Variants in NRXN3 observed in about 807,000 individuals in gnomAD.
NRXN3 encodes the protein neurexin 3, also known as neurexin III.
Under a neutral mutation model 137.6 loss-of-function variants are expected in NRXN3, and 32 were observed. That is an observed-to-expected ratio of 0.23 (90% CI 0.18 to 0.31). The LOEUF is 0.31. Ranked by LOEUF, NRXN3 falls within the 10% of genes least tolerant of loss-of-function variation. The pLI is 1.00. For synonymous variants in NRXN3, 798 were observed against 784.5 expected, an observed-to-expected ratio of 1.02 and a Z score of -0.29; for missense variants, 1,574 against 2,062.5, an observed-to-expected ratio of 0.76 and a Z score of 4.59.
intron 4 of NRXN3, among the ~76,000 whole-genome samples, chr14:78,387,638 G>GT (rs1412262859): frequency 6.6e-6 from 1 of 152,178 alleles, no homozygotes; most frequent in Admixed American, 6.5e-5. Flanking sequence ...TCAATGAATA[G>GT]TGAGTTCCTG....
intron 15 of NRXN3, among the ~76,000 whole-genome samples, chr14:79,237,956 A>C (rs745967026): frequency 1.8e-4 from 28 of 152,182 alleles, no homozygotes; most frequent in Non-Finnish European, 3.4e-4. Context: ...TAATGCTCTG[A>C]AAATAATCAA....
intron 6 of NRXN3, among the ~76,000 whole-genome samples, chr14:78,685,968 C>CT (rs2098122442): frequency 6.6e-6 from 1 of 151,970 alleles, no homozygotes; most frequent in South Asian, 2.1e-4. Flanking sequence ...TTTTATAGGC[C>CT]TTTCCTGACT....
intron 4 of NRXN3, among the ~76,000 whole-genome samples, chr14:78,555,816 G>T (rs746535110): frequency 7.9e-5 from 12 of 152,222 alleles, no homozygotes; most frequent in Non-Finnish European, 1.6e-4. Flanking sequence ...TGCCAAGATG[G>T]TGGCAAGGGT....
At chr14:79,800,274 G>A (rs8020629) in intron 19 of NRXN3, among the ~76,000 whole-genome samples, 11,172 of 152,228 alleles carry the variant, frequency 0.073, 488 homozygotes, top group South Asian at 0.13. Context: ...AAGCAACACT[G>A]TTTCCTGGAG....
intron 15 of NRXN3, among the ~76,000 whole-genome samples, chr14:79,359,097 A>G (rs2093592659): frequency 6.6e-6 from 1 of 152,190 alleles, no homozygotes; most frequent in Non-Finnish European, 1.5e-5. Context: ...CAATGGGATA[A>G]CATTTGTATT....
intron 15 of NRXN3, among the ~76,000 whole-genome samples, chr14:79,422,382 G>C (rs992066217): frequency 1.3e-5 from 2 of 152,128 alleles, no homozygotes; most frequent in South Asian, 4.1e-4. Context: ...TTCTGACAAA[G>C]CTACTCCATT....
At chr14:78,649,262 G>T (rs548661691) in intron 5 of NRXN3, 5 of 1,341,358 alleles carry the variant, frequency 3.7e-6, no homozygotes, top group Non-Finnish European at 4.9e-6. Context: ...CCCCTTCTCC[G>T]CAAAGCACTC....
intron 15 of NRXN3, among the ~76,000 whole-genome samples, chr14:79,121,535 A>G (rs768662297): frequency 3.3e-5 from 5 of 152,108 alleles, no homozygotes; most frequent in Admixed American, 1.3e-4. Context: ...AAACATTTTC[A>G]TTTTTTATTT....
chr14:79,045,530 GA>G (rs2099631755), intron 15 of NRXN3, among the ~76,000 whole-genome samples: 1 of 152,040 alleles, frequency 6.6e-6, no homozygotes, highest in African/African-American at 2.4e-5. Context: ...AAACCACCTA[GA>G]ACAAAGGGTT....
chr14:79,264,364 T>C (rs1441861689), intron 15 of NRXN3, among the ~76,000 whole-genome samples: 1 of 152,210 alleles, frequency 6.6e-6, no homozygotes, highest in Non-Finnish European at 1.5e-5. Context: ...GCTGGGATTA[T>C]AGGCATGAGC....
At chr14:78,866,083 T>C (rs2099085955) in intron 10 of NRXN3, among the ~76,000 whole-genome samples, 1 of 152,140 alleles carries the variant, frequency 6.6e-6, no homozygotes, top group Non-Finnish European at 1.5e-5. Context: ...AAATAAGCAA[T>C]AACATTTAAA....
intron 15 of NRXN3, among the ~76,000 whole-genome samples, chr14:79,351,945 C>T (rs954069692): frequency 4.6e-5 from 7 of 152,126 alleles, no homozygotes; most frequent in South Asian, 2.1e-4. Context: ...GAACAATAGG[C>T]GCTTTAAAAG....
At chr14:79,463,435 G>A (rs1358534583) in intron 15 of NRXN3, among the ~76,000 whole-genome samples, 1 of 151,658 alleles carries the variant, frequency 6.6e-6, no homozygotes, top group Non-Finnish European at 1.5e-5. Context: ...AGCCAATTAT[G>A]AAAACAATAA....
At chr14:79,209,059 C>T (rs561144695) in intron 15 of NRXN3, among the ~76,000 whole-genome samples, 1 of 152,226 alleles carries the variant, frequency 6.6e-6, no homozygotes, top group South Asian at 2.1e-4. Context: ...CTGCCTCAGC[C>T]TCCCGAGTAG....
rs1376443966 is a variant in NRXN3 at position 78,633,267 on chromosome 14, A to AAAAAAAAAAAAGAG, written c.758-11852_758-11851insAAAAAAAAAAGAGA. Among the ~76,000 whole-genome samples, 51 of 150,142 alleles carry AAAAAAAAAAAAGAG rather than the reference A, an allele frequency of 3.4e-4. 2 individuals carry two copies. Among genetic ancestry groups the AAAAAAAAAAAAGAG allele is most frequent in the African/African-American group, 1.2e-3 (50 of 40,238 alleles). ...AGACTCTGTCAAAAAAAAAAAAAAA[A>AAAAAAAAAAAAGAG]AGAGACTGGTAATAGCCTGAGATGA... is the stretch of plus-strand genomic sequence containing the variant. On this transcript the variant is annotated intron_variant, in intron 4 of 20. Transcript: ENST00000335750.
chr14:78,645,558 C>A, intron 5 of NRXN3, 137 bp downstream of exon 5: 1 of 622,516 alleles, frequency 1.6e-6, no homozygotes, highest in South Asian at 3.0e-5. Context: ...AACTTTCTCC[C>A]AGTCTTTGCA....
intron 17 of NRXN3, among the ~76,000 whole-genome samples, chr14:79,690,003 T>G (rs890778256): frequency 5.3e-5 from 8 of 152,174 alleles, no homozygotes; most frequent in African/African-American, 1.9e-4. Flanking sequence ...AGAATGAAGG[T>G]CATTAATATA....
chr14:79,625,651 C>T (rs2098273864), intron 16 of NRXN3, among the ~76,000 whole-genome samples: 1 of 152,202 alleles, frequency 6.6e-6, no homozygotes, highest in Non-Finnish European at 1.5e-5. Context: ...AAGTAGTATT[C>T]AAGCCAGTTT....
rs951987719 is a variant in NRXN3 at position 78,788,080 on chromosome 14, G to A, written c.2045-15540G>A. Among the ~76,000 whole-genome samples, 13 of 152,204 alleles carry A rather than the reference G, an allele frequency of 8.5e-5. No homozygotes were observed. The East Asian group carries it at 1.4e-3, about 16-fold the overall frequency. On this transcript the variant is annotated intron_variant, in intron 8 of 20. Coordinates refer to ENST00000335750, the MANE Select transcript of NRXN3 (RefSeq NM_001330195.2). ...TTTTTAAATATGGTTCAAGATTTAC[G>A]TAAGGGAAAAGTAAGGTCCCACGGT...
Sources: allele counts gnomAD v4.1 joint callset (sites outside exome capture counted in the v4.1 genomes callset), GRCh38; gene constraint gnomAD v4.1.1; transcripts MANE v1.5; gene names NCBI Gene and HGNC (gene_info 2026-07-23, HGNC 2026-07-21).